PKNOX2: variants seen among roughly 807,000 people sequenced by gnomAD.
The protein encoded by PKNOX2 is homeobox protein PKNOX2.
Under a neutral mutation model 53.1 loss-of-function variants are expected in PKNOX2, and 14 were observed. The observed-to-expected ratio is 0.26, with a 90% CI of 0.17 to 0.41. The LOEUF (loss-of-function observed/expected upper bound fraction) is 0.41, where lower values mean the gene tolerates loss of function less well. Ranked by LOEUF, PKNOX2 falls within the 10% of genes least tolerant of loss-of-function variation. The pLI, the probability that PKNOX2 is intolerant of heterozygous loss-of-function variation, is 1.00. For missense variants in PKNOX2, 496 were observed against 602.8 expected (o/e 0.82, Z 1.85); for synonymous variants, 257 against 242.8 (o/e 1.06, Z -0.54).
intron 1 of PKNOX2, among the ~76,000 whole-genome samples, chr11:125,204,965 C>G (rs2135418868): frequency 6.6e-6 from 1 of 152,342 alleles, no homozygotes; most frequent in African/African-American, 2.4e-5. Flanking sequence ...TCTGATCTTT[C>G]CTTGTATCCC....
intron 2 of PKNOX2, among the ~76,000 whole-genome samples, chr11:125,285,359 G>T (rs991910899): frequency 1.3e-5 from 2 of 152,198 alleles, no homozygotes; most frequent in Non-Finnish European, 2.9e-5. Context: ...ATATTGAAGG[G>T]TATTAGACAT....
intron 3 of PKNOX2, among the ~76,000 whole-genome samples, chr11:125,338,309 C>T (rs1029878580): frequency 1.3e-5 from 2 of 152,310 alleles, no homozygotes; most frequent in South Asian, 2.1e-4. Context: ...CTTTTTCTCA[C>T]GTTTATGAAC....
intron 10 of PKNOX2, among the ~76,000 whole-genome samples, chr11:125,414,912 A>C (rs1211312168): frequency 1.3e-5 from 2 of 152,206 alleles, no homozygotes; most frequent in African/African-American, 4.8e-5. Flanking sequence ...AAGACCCAAA[A>C]TTTGTGAATA....
chr11:125,178,689 AG>A (rs1955942280), intron 1 of PKNOX2, among the ~76,000 whole-genome samples: 1 of 132,834 alleles, frequency 7.5e-6, no homozygotes, highest in African/African-American at 3.1e-5. Context: ...AGAGAGAGAG[AG>A]AGAGAGAGAA....
chr11:125,198,017 G>A (rs538548435), intron 1 of PKNOX2, among the ~76,000 whole-genome samples: 1 of 152,232 alleles, frequency 6.6e-6, no homozygotes, highest in Non-Finnish European at 1.5e-5. Context: ...GGGCTTTCAG[G>A]CAGCCCTCAG....
intron 4 of PKNOX2, among the ~76,000 whole-genome samples, chr11:125,356,767 C>T (rs536330055): frequency 6.6e-6 from 1 of 152,338 alleles, no homozygotes; most frequent in East Asian, 1.9e-4. Context: ...CCTGGGGAAG[C>T]TGGATGGGCT....
intron 5 of PKNOX2, among the ~76,000 whole-genome samples, chr11:125,375,893 A>T (rs538106438): frequency 6.6e-6 from 1 of 152,262 alleles, no homozygotes; most frequent in Non-Finnish European, 1.5e-5. Context: ...CAGGTTTGTT[A>T]TATAGGTAAA....
intron 2 of PKNOX2, among the ~76,000 whole-genome samples, chr11:125,247,135 T>G (rs1321759558): frequency 6.6e-6 from 1 of 152,178 alleles, no homozygotes; most frequent in Non-Finnish European, 1.5e-5. Context: ...GTTTCTGCTT[T>G]CTTTGGAATT....
chr11:125,165,536 C>G lies in PKNOX2; in HGVS notation c.-201+760C>G, dbSNP rs944925247. ...CAGGTGACCGGAGGAGTCGAGGAGCCGCGGCCGCGGCCTGGGGAGGCAGGG... is the reference window on the plus strand; with the variant it reads ...CAGGTGACCGGAGGAGTCGAGGAGCGGCGGCCGCGGCCTGGGGAGGCAGGG... On this transcript the variant is annotated intron_variant, in intron 1 of 12. Transcript: ENST00000298282. This position sits in a 1 kb window ranked among gnomAD's most constrained non-coding sequence, Gnocchi z 4.5. 9.2e-5 allele frequency among the ~76,000 whole-genome samples: 14 copies of G among 152,214 alleles called. No individual in the cohort carries two copies. The highest frequency in any genetic ancestry group is 1.9e-4 in the Non-Finnish European group (13 of 67,978).
In PKNOX2 at chr11:125,268,200, A is replaced by G. The variant is rs539069145; in HGVS notation, c.-130+33085A>G. Among the ~76,000 whole-genome samples the G allele has an allele frequency of 7.9e-5, 12 of 152,310 alleles. 1 individual carries two copies. Among genetic ancestry groups the G allele is most frequent in the Admixed American group, 7.8e-4 (12 of 15,302 alleles). On this transcript the variant is annotated intron_variant, in intron 2 of 12. Transcript: ENST00000298282. ...CGGAAAACGTCGGCCCCCAACGCAGACAGGTCACTTGGAAACCAGGGAGTG... is the reference window on the plus strand; with the variant it reads ...CGGAAAACGTCGGCCCCCAACGCAGGCAGGTCACTTGGAAACCAGGGAGTG...
intron 3 of PKNOX2, among the ~76,000 whole-genome samples, chr11:125,348,603 T>C (rs1208634013): frequency 2.0e-5 from 3 of 152,226 alleles, no homozygotes. Context: ...CGGTTGTCTC[T>C]GGGCACAGGC....
chr11:125,178,460 G>A (rs1288778883), intron 1 of PKNOX2, among the ~76,000 whole-genome samples: 4 of 149,738 alleles, frequency 2.7e-5, no homozygotes, highest in African/African-American at 5.0e-5. Context: ...GCGGTGAGCC[G>A]AGATTGTGCC....
At chr11:125,408,250 A>G (rs1258241962) in intron 7 of PKNOX2, among the ~76,000 whole-genome samples, 1 of 152,174 alleles carries the variant, frequency 6.6e-6, no homozygotes, top group Non-Finnish European at 1.5e-5. Flanking sequence ...GGGCTCTTCC[A>G]GTTTCTAGGC....
chr11:125,245,619 G>C (rs1943502268), intron 2 of PKNOX2, among the ~76,000 whole-genome samples: 3 of 152,228 alleles, frequency 2.0e-5, no homozygotes, highest in African/African-American at 7.2e-5. Flanking sequence ...CCCCCATTAG[G>C]ATGGCTTATC....
At chr11:125,189,435 GTGTGTGTGTGTGTATATATATA>G (rs1323101212) in intron 1 of PKNOX2, among the ~76,000 whole-genome samples, 100 of 79,572 alleles carry the variant, frequency 1.3e-3, no homozygotes, top group African/African-American at 2.2e-3. Context: ...GTGTGTGTGT[GTGTGTGTGTGTGTATATATATA>G]TATATATATA....
chr11:125,258,343 T>C (rs546403133), intron 2 of PKNOX2, among the ~76,000 whole-genome samples: 1 of 152,312 alleles, frequency 6.6e-6, no homozygotes, highest in African/African-American at 2.4e-5. Context: ...AAATTGTCTT[T>C]CTCTGTGTAA....
chr11:125,315,724 T>C (rs1274969428), intron 2 of PKNOX2, among the ~76,000 whole-genome samples: 1 of 152,118 alleles, frequency 6.6e-6, no homozygotes, highest in Non-Finnish European at 1.5e-5. Flanking sequence ...CTCAGTCCAG[T>C]GGTGGCTGGG....
chr11:125,192,485 C>T (rs755791355), intron 1 of PKNOX2, among the ~76,000 whole-genome samples: 1 of 152,148 alleles, frequency 6.6e-6, no homozygotes, highest in Non-Finnish European at 1.5e-5. Context: ...TTTAACCTGA[C>T]GCTGGGGGAG....
chr11:125,397,726 TG>T, intron 6 of PKNOX2, 147 bp from the exon 7 acceptor site: 2 of 760,474 alleles, frequency 2.6e-6, no homozygotes, highest in Non-Finnish European at 2.2e-6. Flanking sequence ...CTACCACTTC[TG>T]GGCCTTTTGG....
Sources: gnomAD v4.1 joint callset for allele counts (sites outside exome capture counted in the v4.1 genomes callset) on GRCh38, gnomAD v4.1.1 for gene constraint, Gnocchi (gnomAD v3.1) non-coding constraint, MANE v1.5 for transcripts, NCBI Gene and HGNC (gene_info 2026-07-23, HGNC 2026-07-21) for gene names.